The following NALF1 variants were observed in gnomAD, a reference collection of about 807,000 sequenced individuals.
NALF1 encodes NALCN channel auxiliary factor 1.
A neutral mutation model predicts 48.4 loss-of-function variants in NALF1; 3 were observed. That is an observed-to-expected ratio of 0.06 (90% CI 0.03 to 0.16). The LOEUF is 0.16. NALF1 is among the 10% of genes least tolerant of loss of function. NALF1 has a pLI of 1.00. For missense variants in NALF1, 526 were observed against 571.5 expected, an observed-to-expected ratio of 0.92 and a Z score of 0.81; for synonymous variants, 262 against 245.7, an observed-to-expected ratio of 1.07 and a Z score of -0.62.
intron 1 of NALF1, among the ~76,000 whole-genome samples, chr13:107,765,433 A>G (rs1002384109): frequency 6.6e-6 from 1 of 152,222 alleles, no homozygotes; most frequent in African/African-American, 2.4e-5. Context: ...ACAATATTAT[A>G]GAGTTATATA....
At chr13:107,659,316 T>C (rs1880668356) in intron 1 of NALF1, among the ~76,000 whole-genome samples, 1 of 152,152 alleles carries the variant, frequency 6.6e-6, no homozygotes, top group Admixed American at 6.5e-5. Context: ...TGCATTTATC[T>C]TTTTTTCCCA....
At chr13:107,279,792 C>T (rs1881352309) in intron 1 of NALF1, among the ~76,000 whole-genome samples, 1 of 152,148 alleles carries the variant, frequency 6.6e-6, no homozygotes, top group Non-Finnish European at 1.5e-5. Flanking sequence ...CCATGATCTC[C>T]CTTTGCTACC....
intron 1 of NALF1, among the ~76,000 whole-genome samples, chr13:107,448,499 A>T (rs1398143871): frequency 1.3e-5 from 2 of 152,174 alleles, no homozygotes; most frequent in African/African-American, 4.8e-5. Context: ...GAAGTAGGAT[A>T]TTTATATAAT....
chr13:107,773,234 T>A (rs1877628655), intron 1 of NALF1, among the ~76,000 whole-genome samples: 1 of 152,204 alleles, frequency 6.6e-6, no homozygotes, highest in Admixed American at 6.5e-5. Flanking sequence ...TTTGATAGAT[T>A]ACTTTCAATT....
chr13:107,387,622 G>C (rs764127002), intron 1 of NALF1, among the ~76,000 whole-genome samples: 1 of 152,108 alleles, frequency 6.6e-6, no homozygotes, highest in South Asian at 2.1e-4. Flanking sequence ...CTTCTGATCC[G>C]AGATGAGAGT....
intron 1 of NALF1, among the ~76,000 whole-genome samples, chr13:107,488,182 G>C (rs1885359704): frequency 6.8e-6 from 1 of 146,018 alleles, no homozygotes; most frequent in African/African-American, 2.5e-5. Context: ...ATAGCTAGTG[G>C]TCTATTATTT....
chr13:107,444,092 C>T (rs1186602354), intron 1 of NALF1, among the ~76,000 whole-genome samples: 1 of 152,024 alleles, frequency 6.6e-6, no homozygotes, highest in Non-Finnish European at 1.5e-5. Context: ...ATTTTACTGA[C>T]AGAATAACCA....
chr13:107,397,839 T>C (rs150872899), intron 1 of NALF1, among the ~76,000 whole-genome samples: 2,043 of 152,290 alleles, frequency 0.013, 25 homozygotes, highest in South Asian at 0.033. Context: ...TCTATCTTCC[T>C]ATATATAGAA....
At chr13:107,194,334 G>T (rs945761827) in intron 2 of NALF1, among the ~76,000 whole-genome samples, 1 of 152,056 alleles carries the variant, frequency 6.6e-6, no homozygotes, top group Non-Finnish European at 1.5e-5. Context: ...TATACTACAA[G>T]GTTATAGTTA....
At chr13:107,299,036 T>A (rs113324709) in intron 1 of NALF1, among the ~76,000 whole-genome samples, 1,833 of 152,262 alleles carry the variant, frequency 0.012, 19 homozygotes, top group Middle Eastern at 0.024. Context: ...TCAGTGACAA[T>A]TTTCATTCTT....
At chr13:107,468,222 G>A (rs920091416) in intron 1 of NALF1, among the ~76,000 whole-genome samples, 1 of 152,122 alleles carries the variant, frequency 6.6e-6, no homozygotes, top group African/African-American at 2.4e-5. Context: ...AGCGGTTATT[G>A]CTTTAATTTA....
chr13:107,369,417 C>T (rs968951506), intron 1 of NALF1, among the ~76,000 whole-genome samples: 26 of 152,008 alleles, frequency 1.7e-4, no homozygotes, highest in Non-Finnish European at 4.4e-5. Context: ...GTATATCTTT[C>T]CAGTATTTAT....
At chr13:107,264,038 T>C (rs1300939748) in intron 1 of NALF1, among the ~76,000 whole-genome samples, 1 of 152,210 alleles carries the variant, frequency 6.6e-6, no homozygotes, top group East Asian at 1.9e-4. Context: ...ATCTGGTAGA[T>C]TCAGATACAA....
chr13:107,246,315 A>G (rs765592189), intron 1 of NALF1, among the ~76,000 whole-genome samples: 15 of 152,068 alleles, frequency 9.9e-5, no homozygotes, highest in Non-Finnish European at 1.6e-4. Context: ...ATTTTATCTC[A>G]ATAGTTATTA....
intron 1 of NALF1, among the ~76,000 whole-genome samples, chr13:107,303,738 T>C (rs527630511): frequency 6.6e-6 from 1 of 151,036 alleles, no homozygotes; most frequent in Non-Finnish European, 1.5e-5. Flanking sequence ...TTCAAGAAAA[T>C]TTTTTTTTAA....
chr13:107,542,309 G>T (rs1877020293), intron 1 of NALF1, among the ~76,000 whole-genome samples: 1 of 151,976 alleles, frequency 6.6e-6, no homozygotes, highest in African/African-American at 2.4e-5. Context: ...TAGGTGAGTG[G>T]TTGCTTCAGG....
chr13:107,751,759 G>C (rs573839845), intron 1 of NALF1, among the ~76,000 whole-genome samples: 2 of 152,124 alleles, frequency 1.3e-5, no homozygotes, highest in African/African-American at 4.8e-5. Context: ...TTCTGTAACC[G>C]ACTGCTTACC....
chr13:107,480,929 C>A (rs143571946), intron 1 of NALF1, among the ~76,000 whole-genome samples: 7 of 152,024 alleles, frequency 4.6e-5, no homozygotes, highest in African/African-American at 7.2e-5. Flanking sequence ...AATACTTCTA[C>A]GAAACCCACT....
intron 1 of NALF1, among the ~76,000 whole-genome samples, chr13:107,640,420 GTTTTA>G (rs1161406624): frequency 3.3e-5 from 5 of 152,006 alleles, no homozygotes; most frequent in Non-Finnish European, 7.4e-5. Flanking sequence ...AGCTTATTTG[GTTTTA>G]TTTTATTTTA....
Sources: gnomAD v4.1 joint callset for allele counts (sites outside exome capture counted in the v4.1 genomes callset) on GRCh38, gnomAD v4.1.1 for gene constraint, MANE v1.5 for transcripts, NCBI Gene and HGNC (gene_info 2026-07-23, HGNC 2026-07-21) for gene names.